Variants in KIAA1217 observed in about 807,000 individuals in gnomAD.
KIAA1217 encodes KIAA1217.
In KIAA1217, 88 loss-of-function variants were observed where a neutral mutation model predicts 163.9. The ratio of observed to expected loss-of-function variants is 0.54; its 90% CI spans 0.45 to 0.64. The LOEUF is 0.64. Ranked by LOEUF, KIAA1217 falls within the 30% of genes least tolerant of loss-of-function variation. The pLI, the probability that KIAA1217 is intolerant of heterozygous loss-of-function variation, is 0.00. For missense variants in KIAA1217, 2,372 were observed against 2,475.0 expected (o/e 0.96, Z 0.88); for synonymous variants, 903 against 923.1 (o/e 0.98, Z 0.39).
intron 1 of KIAA1217, among the ~76,000 whole-genome samples, chr10:23,851,011 AT>A (rs200995800): frequency 0.013 from 1,942 of 151,740 alleles, 57 homozygotes; most frequent in African/African-American, 0.044. Context: ...GGGGATTACA[AT>A]TTTTTTTATT....
intron 1 of KIAA1217, among the ~76,000 whole-genome samples, chr10:23,908,766 G>A (rs1035767833): frequency 5.3e-5 from 8 of 152,164 alleles, no homozygotes; most frequent in Admixed American, 1.3e-4. Flanking sequence ...TGGCATGCAT[G>A]CGGTGAACAG....
intron 2 of KIAA1217, among the ~76,000 whole-genome samples, chr10:24,053,009 A>G (rs532865166): frequency 3.9e-5 from 6 of 152,176 alleles, no homozygotes; most frequent in African/African-American, 1.4e-4. Context: ...TGACAGTGCT[A>G]TAGCAAGTTA....
rs892654261 is a variant in KIAA1217, at chr10:23,774,593, C to T, written c.-321+79359C>T. Among the ~76,000 whole-genome samples, 3 of 152,168 alleles carry T rather than the reference C, an allele frequency of 2.0e-5. No individual in the cohort carries two copies. The East Asian group carries it at 5.8e-4, about 29-fold the overall frequency. On this transcript the variant is annotated intron_variant, in intron 1 of 18. Transcript: ENST00000376462. ...AAATGCATGGTAGATGTGAGCATCT[C>T]CAGGCTCGAATTGGGCCAAGGGGTG...
intron 3 of KIAA1217, among the ~76,000 whole-genome samples, chr10:24,424,254 T>A (rs1020685330): frequency 6.6e-6 from 1 of 152,224 alleles, no homozygotes; most frequent in African/African-American, 2.4e-5. Flanking sequence ...TCAGAAGGTA[T>A]CCTAGAGCCA....
chr10:24,031,927 C>G (rs1848203627), intron 2 of KIAA1217, among the ~76,000 whole-genome samples: 1 of 151,750 alleles, frequency 6.6e-6, no homozygotes, highest in South Asian at 2.1e-4. Context: ...CAGTTTTGCT[C>G]ATGATTTTGC....
At chr10:24,034,001 T>TA (rs897620230) in intron 2 of KIAA1217, among the ~76,000 whole-genome samples, 10 of 152,246 alleles carry the variant, frequency 6.6e-5, no homozygotes, top group African/African-American at 1.9e-4. Flanking sequence ...AAGGACCAAG[T>TA]AAAAAAACTG....
At chr10:24,527,572 G>A (rs1430186101) in intron 13 of KIAA1217, among the ~76,000 whole-genome samples, 1 of 151,936 alleles carries the variant, frequency 6.6e-6, no homozygotes, top group Admixed American at 6.6e-5. Context: ...GCTGAGGCAG[G>A]AGGATTGCTT....
In KIAA1217 at chr10:24,493,488, T is replaced by C. The variant is rs143708755; in HGVS notation, c.1680-1012T>C. Among the ~76,000 whole-genome samples, 22 of 152,368 alleles carry C rather than the reference T, an allele frequency of 1.4e-4. No homozygotes were observed. In the East Asian group the frequency reaches 4.2e-3, roughly 29 times the overall value. On this transcript the variant is annotated intron_variant, in intron 6 of 20. Transcript: ENST00000376454. ...TTACTCGTATTGTTGTTTTTAACAA[T>C]GTGTTGAAAACATGGCAATAGTTCT...
chr10:24,085,305 T>A (rs59875759), intron 2 of KIAA1217, among the ~76,000 whole-genome samples: 18,577 of 151,858 alleles, frequency 0.12, 3,040 homozygotes, highest in African/African-American at 0.38. Flanking sequence ...ATTTGAGGGG[T>A]TTAAGGGAGT....
chr10:24,080,402 G>A (rs1389187152), intron 2 of KIAA1217, among the ~76,000 whole-genome samples: 2 of 152,136 alleles, frequency 1.3e-5, no homozygotes, highest in Non-Finnish European at 2.9e-5. Flanking sequence ...GACTAGTATT[G>A]TTCAATGGCA....
intron 2 of KIAA1217, chr10:24,158,625 A>G: frequency 2.0e-6 from 1 of 508,650 alleles, no homozygotes; most frequent in Admixed American, 2.1e-5. Context: ...CCTTTACACC[A>G]CCAATCAAAA....
At chr10:23,764,772 C>T (rs1042119021) in intron 1 of KIAA1217, among the ~76,000 whole-genome samples, 3 of 150,602 alleles carry the variant, frequency 2.0e-5, no homozygotes, top group African/African-American at 7.3e-5. Context: ...GGGAGGGGAA[C>T]ATCACACACC....
chr10:24,027,415 G>T (rs560559556), intron 2 of KIAA1217, among the ~76,000 whole-genome samples: 10 of 152,072 alleles, frequency 6.6e-5, no homozygotes, highest in Non-Finnish European at 1.3e-4. Context: ...TTAAACAAGA[G>T]GGGTAGTTCT....
intron 1 of KIAA1217, among the ~76,000 whole-genome samples, chr10:23,980,702 T>C (rs957888280): frequency 1.1e-4 from 17 of 152,196 alleles, no homozygotes; most frequent in African/African-American, 3.9e-4. Flanking sequence ...CTGTTGTTTC[T>C]GAGAGCTTGG....
At chr10:24,369,311 T>C (rs1001917015) in intron 2 of KIAA1217, among the ~76,000 whole-genome samples, 3 of 151,702 alleles carry the variant, frequency 2.0e-5, no homozygotes, top group African/African-American at 7.3e-5. Context: ...AAATTAACAG[T>C]GAACGCTATT....
At chr10:24,204,416 G>T (rs1360213735), upstream of KIAA1217, among the ~76,000 whole-genome samples, 1 of 152,036 alleles carries the variant, frequency 6.6e-6, no homozygotes, top group Non-Finnish European at 1.5e-5. Context: ...TTGTTAGTGG[G>T]GCTTGTAATA....
chr10:24,066,385 A>T (rs1326609895), intron 2 of KIAA1217, among the ~76,000 whole-genome samples: 1 of 151,994 alleles, frequency 6.6e-6, no homozygotes, highest in Admixed American at 6.6e-5. Context: ...AGTATTTTAT[A>T]TCTCCTGCAC....
At chr10:24,123,719 T>G (rs964110994) in intron 2 of KIAA1217, among the ~76,000 whole-genome samples, 1 of 152,188 alleles carries the variant, frequency 6.6e-6, no homozygotes, top group African/African-American at 2.4e-5. Context: ...AAATGGTATT[T>G]GTGTAAAGCT....
intron 3 of KIAA1217, among the ~76,000 whole-genome samples, chr10:24,386,563 TTTTA>T (rs61345194): frequency 0.51 from 76,537 of 150,260 alleles, 21,864 homozygotes; most frequent in African/African-American, 0.78. Context: ...AATAAATCTA[TTTTA>T]TTTATTTATT....
Sources: gnomAD v4.1 joint callset for allele counts (sites outside exome capture counted in the v4.1 genomes callset) on GRCh38, gnomAD v4.1.1 for gene constraint, MANE v1.5 for transcripts, NCBI Gene and HGNC (gene_info 2026-07-23, HGNC 2026-07-21) for gene names.